Variants in PKD2 observed in about 807,000 individuals in gnomAD.
PKD2 encodes the protein polycystin-2.
PKD2 carries 48 observed loss-of-function variants against 105.9 expected under a neutral mutation model. That is an observed-to-expected ratio of 0.45 (90% CI 0.36 to 0.58). PKD2 has a LOEUF of 0.58. Among genes scored for constraint, PKD2 ranks in the 20% least tolerant of loss-of-function variants. The pLI is 0.00. For synonymous variants in PKD2, 464 were observed against 481.1 expected (o/e 0.96, Z 0.46); for missense variants, 1,078 against 1,255.3 (o/e 0.86, Z 2.13).
chr4:88,036,162 G>A, intron 2 of PKD2, 58 bp from the exon 3 acceptor site: 1 of 1,613,424 alleles, frequency 6.2e-7, no homozygotes. Flanking sequence ...AAGGCTGCTG[G>A]TATGTGAATG....
rs1363061651 is a variant in PKD2, at chr4:88,058,091, C to G, written c.2007C>G (p.Phe669Leu). Reference sequence around the variant, plus strand: ...TCACTACATTTGTGTTCTTTATGTTCTTCATTCTTTTGGTATGTACATTTT... The same window carrying G: ...TCACTACATTTGTGTTCTTTATGTTGTTCATTCTTTTGGTATGTACATTTT... ...IYFTTFVFFM[F>L]FILLNMFLAI... The change falls in exon 9 of 15, where the codon TTC becomes TTG. Residue 669 changes from phenylalanine (F) to leucine (L), a missense_variant. Around this residue, in one of 2 missense-constraint regions of PKD2, gnomAD observed 868 missense variants for 1,067.3 expected, o/e 0.81. Coordinates refer to ENST00000237596, the MANE Select transcript of PKD2 (RefSeq NM_000297.4). The G allele has an allele frequency of 6.5e-7, 1 of 1,533,458 alleles. No individual in the cohort carries two copies. The highest frequency in any genetic ancestry group is 9.0e-7 in the Non-Finnish European group (1 of 1,106,900). The allele number at this position is 1,533,458 out of a possible 1,614,324, so 95.0% of individuals were successfully genotyped here.
At chr4:88,010,858 G>GACA (rs1726359808) in intron 1 of PKD2, among the ~76,000 whole-genome samples, 1 of 152,208 alleles carries the variant, frequency 6.6e-6, no homozygotes, top group Non-Finnish European at 1.5e-5. Flanking sequence ...AAGTAAAATA[G>GACA]TAAAGAAAGA....
At chr4:88,012,828 G>T (rs982459342) in intron 1 of PKD2, among the ~76,000 whole-genome samples, 1 of 152,090 alleles carries the variant, frequency 6.6e-6, no homozygotes, top group Non-Finnish European at 1.5e-5. Flanking sequence ...ATCAGACCAT[G>T]TTTGATCTTT....
At chr4:88,036,165 T>C in intron 2 of PKD2, 55 bp from the exon 3 acceptor site, 1 of 1,613,524 alleles carries the variant, frequency 6.2e-7, no homozygotes, top group Non-Finnish European at 8.5e-7. Context: ...GCTGCTGGTA[T>C]GTGAATGTGT....
intron 13 of PKD2, among the ~76,000 whole-genome samples, chr4:88,070,541 T>C (rs943056194): frequency 5.4e-5 from 8 of 148,210 alleles, no homozygotes. Context: ...TCTGTTGAGC[T>C]CCTCTAGTTA....
chr4:88,040,861 G>A (rs1727535628), intron 4 of PKD2, among the ~76,000 whole-genome samples: 1 of 152,012 alleles, frequency 6.6e-6, no homozygotes, highest in African/African-American at 2.4e-5. Context: ...TCTTTCCCAT[G>A]ACATTCAGAT....
At chr4:88,017,984 TC>T (rs1179028909) in intron 1 of PKD2, among the ~76,000 whole-genome samples, 1 of 152,362 alleles carries the variant, frequency 6.6e-6, no homozygotes. Context: ...CCGAGCCTAA[TC>T]TTTGGCTGCC....
At chr4:88,019,845 A>T (rs916365698) in intron 2 of PKD2, among the ~76,000 whole-genome samples, 1 of 152,224 alleles carries the variant, frequency 6.6e-6, no homozygotes, top group Admixed American at 6.5e-5. Flanking sequence ...GCTCTGAAAA[A>T]TATATAAGAA....
rs929715506 is a variant in PKD2 at position 88,075,757 on chromosome 4, A to C, written c.*63A>C. On this transcript the variant is annotated 3_prime_UTR_variant, in exon 15 of 15. Coordinates refer to ENST00000237596, the MANE Select transcript of PKD2 (RefSeq NM_000297.4). ...GAAGTGGCTGTCCTGAATTGCTGTA[A>C]CAAGCACACTATTTATATGCCCTGA... 8 of 1,129,810 alleles carry C rather than the reference A, an allele frequency of 7.1e-6. No homozygotes were observed. The highest frequency in any genetic ancestry group is 2.2e-4 in the Middle Eastern group (1 of 4,448). 70.0% of individuals were successfully genotyped at this position (1,129,810 alleles called of 1,614,324 possible). A position where few individuals can be genotyped will look rare whatever the true frequency, so the allele number is the denominator to read the frequency against.
At chr4:88,013,984 A>G (rs1726473400) in intron 1 of PKD2, among the ~76,000 whole-genome samples, 1 of 152,078 alleles carries the variant, frequency 6.6e-6, no homozygotes, top group African/African-American at 2.4e-5. Flanking sequence ...AACAACGTAG[A>G]GGATAGGGTG....
chr4:88,008,652 A>G, intron 1 of PKD2, among the ~76,000 whole-genome samples: 1 of 151,082 alleles, frequency 6.6e-6, no homozygotes, highest in East Asian at 1.9e-4. Flanking sequence ...TTTTTCTTGT[A>G]GAGGAAAAAA....
At chr4:88,061,731 C>CT (rs1311199898) in intron 9 of PKD2, among the ~76,000 whole-genome samples, 175 bp from the exon 10 acceptor site, 1 of 149,546 alleles carries the variant, frequency 6.7e-6, no homozygotes, top group African/African-American at 2.5e-5. Flanking sequence ...CAGTGAGACT[C>CT]TGTCTCAAAA....
At chr4:88,070,599 T>TAGAG (rs1267235364) in intron 13 of PKD2, among the ~76,000 whole-genome samples, 1,620 of 98,134 alleles carry the variant, frequency 0.017, 7 homozygotes, top group East Asian at 0.026. Flanking sequence ...TATATATATA[T>TAGAG]ATAGAGAGAG....
intron 12 of PKD2, among the ~76,000 whole-genome samples, chr4:88,067,331 C>T (rs926429852): frequency 5.9e-5 from 9 of 152,112 alleles, no homozygotes; most frequent in African/African-American, 1.9e-4. Flanking sequence ...AAGGGATACT[C>T]AACCTGTAAT....
In PKD2 at chr4:88,075,737, G is replaced by A; in HGVS notation, c.*43G>A. Reference sequence around the variant, plus strand: ...GTGTGTTTCTAATAAGTGAGGAAGTGGCTGTCCTGAATTGCTGTAACAAGC... The same window carrying A: ...GTGTGTTTCTAATAAGTGAGGAAGTAGCTGTCCTGAATTGCTGTAACAAGC... On this transcript the variant is annotated 3_prime_UTR_variant, in exon 15 of 15. Coordinates refer to ENST00000237596, the MANE Select transcript of PKD2 (RefSeq NM_000297.4). 7.0e-7 allele frequency: 1 copy of A among 1,421,396 alleles called. No individual in the cohort carries two copies. Among genetic ancestry groups the A allele is most frequent in the East Asian group, 2.3e-5 (1 of 44,020 alleles). 88.0% of individuals were successfully genotyped at this position (1,421,396 alleles called of 1,614,324 possible).
At chr4:88,056,315 T>A in intron 8 of PKD2, 48 bp downstream of exon 8, 1 of 1,158,424 alleles carries the variant, frequency 8.6e-7, no homozygotes, top group Non-Finnish European at 1.3e-6. Context: ...GAGTTGTCAC[T>A]GCTTCTCAAG....
At chr4:88,032,096 C>CT (rs1323502496) in intron 2 of PKD2, among the ~76,000 whole-genome samples, 2 of 151,978 alleles carry the variant, frequency 1.3e-5, no homozygotes, top group East Asian at 1.9e-4. Flanking sequence ...ACAGTTCATG[C>CT]TTTTTTGTCA....
In PKD2 at chr4:88,007,936, C is replaced by A. The variant is rs751221093; in HGVS notation, c.203C>A (p.Pro68Gln). The A allele has an allele frequency of 3.1e-5, 45 of 1,461,504 alleles. No individual in the cohort carries two copies. The highest frequency in any genetic ancestry group is 1.3e-4 in the Admixed American group (6 of 45,060). The allele number at this position is 1,461,504 out of a possible 1,614,324, so 90.5% of individuals were successfully genotyped here. The stretch of plus-strand genomic sequence containing the variant: ...CGGCAGGCGGCCGCGCGGGACCCCC[C>A]GGCCGGAGCCGCGGCCTCCCCTTCT... ...RIRQAAARDP[P>Q]AGAAASPSPP... The change falls in exon 1 of 15, where the codon CCG becomes CAG. Residue 68 changes from proline (P) to glutamine (Q), a missense_variant. By Grantham distance (76) the Pro-to-Gln change is moderately conservative. Around this residue, in one of 2 missense-constraint regions of PKD2, gnomAD observed 210 missense variants for 187.9 expected, o/e 1.12. Transcript: ENST00000237596.
rs929955448 is a variant in PKD2, at chr4:88,062,461, G to T, written c.2118+457G>T. ...CACCCTTTACCCTTGACCTTCCACG[G>T]CAGTTTTAAAATAAGCAAAGGAAAA... is the stretch of plus-strand genomic sequence containing the variant. On this transcript the variant is annotated intron_variant, in intron 10 of 14. Transcript: ENST00000237596. Among the ~76,000 whole-genome samples, 61 of 152,116 alleles carry T rather than the reference G, an allele frequency of 4.0e-4. 1 individual carries two copies.
Sources: allele counts gnomAD v4.1 joint callset (sites outside exome capture counted in the v4.1 genomes callset), GRCh38; gene constraint gnomAD v4.1.1; regional missense constraint gnomAD v4.1.1; transcripts MANE v1.5; gene names NCBI Gene and HGNC (gene_info 2026-07-23, HGNC 2026-07-21).